The following RTN4 variants were observed in gnomAD, a reference collection of about 807,000 sequenced individuals.
RTN4 encodes the protein reticulon-4.
Under a neutral mutation model 90.4 loss-of-function variants are expected in RTN4, and 32 were observed. The ratio of observed to expected loss-of-function variants is 0.35; its 90% CI spans 0.27 to 0.48. RTN4 has a LOEUF of 0.48. Among genes scored for constraint, RTN4 ranks in the 20% least tolerant of loss-of-function variants. The probability of loss-of-function intolerance (pLI) is 0.99; values close to 1 mark genes in which losing one functional copy is unlikely to be tolerated. For synonymous variants in RTN4, 629 were observed against 552.5 expected (o/e 1.14, Z -1.94); for missense variants, 1,706 against 1,430.2 (o/e 1.19, Z -3.11).
chr2:55,067,323 C>T (rs373963705), intron 2 of RTN4, among the ~76,000 whole-genome samples: 57 of 151,942 alleles, frequency 3.8e-4, no homozygotes, highest in African/African-American at 1.2e-3. Flanking sequence ...AAAGCACCAT[C>T]GAAATGGAGT....
At chr2:55,064,725 T>C (rs1011953743) in intron 2 of RTN4, among the ~76,000 whole-genome samples, 1 of 152,190 alleles carries the variant, frequency 6.6e-6, no homozygotes, top group Admixed American at 6.5e-5. Flanking sequence ...GAAAGTACAA[T>C]AACTTACTTA....
intron 2 of RTN4, among the ~76,000 whole-genome samples, chr2:55,076,399 T>C (rs1668600823): frequency 1.5e-5 from 2 of 132,992 alleles, no homozygotes; most frequent in Admixed American, 7.6e-5. Context: ...CTTTTTTTTT[T>C]TTTTTTTTTT....
upstream of RTN4, among the ~76,000 whole-genome samples, chr2:55,117,571 C>T (rs1160079943): frequency 6.6e-6 from 1 of 152,162 alleles, no homozygotes; most frequent in Non-Finnish European, 1.5e-5. Context: ...TGAGGGGTTG[C>T]TATGGATCTA....
intron 3 of RTN4, among the ~76,000 whole-genome samples, chr2:54,989,183 G>C (rs887128587): frequency 5.3e-5 from 8 of 152,218 alleles, no homozygotes; most frequent in African/African-American, 1.4e-4. Flanking sequence ...ACTGCTGCTA[G>C]TATATCATGA....
At chr2:55,013,681 G>T (rs1463196688) in intron 3 of RTN4, among the ~76,000 whole-genome samples, 1 of 151,452 alleles carries the variant, frequency 6.6e-6, no homozygotes, top group Non-Finnish European at 1.5e-5. Flanking sequence ...TTATATTTTA[G>T]ATTTTAGAAC....
At chr2:55,066,375 C>A (rs901065645) in intron 2 of RTN4, among the ~76,000 whole-genome samples, 1 of 151,942 alleles carries the variant, frequency 6.6e-6, no homozygotes, top group African/African-American at 2.4e-5. Flanking sequence ...TCAGTTTATT[C>A]TTTTTAATGC....
Position 55,050,110 on chromosome 2 carries a change from G to T in RTN4, c.191C>A (p.Ser64Tyr). Reference protein sequence around the residue: ...VLERKPAAGLSAAPVPTAPAA... With the variant: ...VLERKPAAGLYAAPVPTAPAA... ...AGGGGCGGTGGGCACTGGGGCCGCG[G>T]ACAGCCCGGCGGCGGGCTTCCTCTC... Residue 64 changes from serine to tyrosine, a missense_variant, in exon 1 of 9, where the codon TCC (serine) becomes TAC (tyrosine). Ser to Tyr is a moderately radical substitution (Grantham distance 144). Transcript: ENST00000337526. The surrounding 1 kb of genome is among the most constrained non-coding windows in gnomAD (Gnocchi z 4.6). The T allele has an allele frequency of 2.7e-6, 4 of 1,499,254 alleles. No homozygotes were observed. Among genetic ancestry groups the T allele is most frequent in the Non-Finnish European group, 3.5e-6 (4 of 1,128,998 alleles). The allele number at this position is 1,499,254 out of a possible 1,614,324, so 92.9% of individuals were successfully genotyped here. A position where few individuals can be genotyped will look rare whatever the true frequency, so the allele number is the denominator to read the frequency against.
intron 1 of RTN4, among the ~76,000 whole-genome samples, chr2:55,035,174 G>A (rs115905326): frequency 0.025 from 3,798 of 152,226 alleles, 76 homozygotes; most frequent in South Asian, 0.036. Flanking sequence ...CACTACCAAT[G>A]AGCTAAACTG....
the RTN4 span, among the ~76,000 whole-genome samples, chr2:55,128,454 G>C: frequency 6.6e-6 from 1 of 152,076 alleles, no homozygotes; most frequent in Non-Finnish European, 1.5e-5. Context: ...TGGAGTTCTA[G>C]ACCCCCAGAG....
intron 3 of RTN4, among the ~76,000 whole-genome samples, chr2:55,006,967 T>G (rs1261525590): frequency 3.9e-5 from 6 of 152,136 alleles, no homozygotes; most frequent in Admixed American, 3.9e-4. Flanking sequence ...TCACTCTGCA[T>G]TTGACTCCCA....
Position 54,972,366 on chromosome 2 carries a change from C to CAGTCCATAGATTCT in RTN4, c.*776_*789dup, listed in dbSNP as rs1677111282. 1 of 152,646 alleles carries CAGTCCATAGATTCT rather than the reference C, an allele frequency of 6.6e-6. No homozygotes were observed. The highest frequency in any genetic ancestry group is 2.1e-4 in the South Asian group (1 of 4,832). 9.5% of individuals were successfully genotyped at this position (152,646 alleles called of 1,614,324 possible). A position where few individuals can be genotyped will look rare whatever the true frequency, so the allele number is the denominator to read the frequency against. On this transcript the variant is annotated 3_prime_UTR_variant, in exon 9 of 9. Coordinates refer to ENST00000337526, the MANE Select transcript of RTN4 (RefSeq NM_020532.5). ...ACAACATTTTTGGAAGCATTAGATT[C>CAGTCCATAGATTCT]AGTCCATAGATTCTGTGACAAAATT...
At chr2:55,061,300 G>T (rs1250210076) in intron 2 of RTN4, among the ~76,000 whole-genome samples, 1 of 152,104 alleles carries the variant, frequency 6.6e-6, no homozygotes, top group Non-Finnish European at 1.5e-5. Context: ...CTGACCTCAG[G>T]TGATCCACCC....
chr2:55,050,595 G>GA (rs1668057557), upstream of RTN4: 1 of 278,844 alleles, frequency 3.6e-6, no homozygotes, highest in Admixed American at 5.3e-5. This position sits in a 1 kb window ranked among gnomAD's most constrained non-coding sequence, Gnocchi z 4.6. Flanking sequence ...GGAGGGCAGG[G>GA]ACTGGCGCGG....
At chr2:54,988,250 G>C (rs1029786855) in intron 3 of RTN4, among the ~76,000 whole-genome samples, 1 of 152,230 alleles carries the variant, frequency 6.6e-6, no homozygotes, top group Non-Finnish European at 1.5e-5. Flanking sequence ...CCGGGAGGCA[G>C]AGGTTGCAGT....
Position 54,999,833 on chromosome 2 carries a change from T to C in RTN4, c.3014-12135A>G, listed in dbSNP as rs536048731. Among the ~76,000 whole-genome samples, 4 of 152,268 alleles carry C rather than the reference T, an allele frequency of 2.6e-5. No homozygotes were observed. In the South Asian group the frequency reaches 8.3e-4, roughly 32 times the overall value. ...TGTCTCAACACAGTAAGCATTCACCTGTCAAAAAACTGACAGGCGAAGGTC... is the reference window on the plus strand; with the variant it reads ...TGTCTCAACACAGTAAGCATTCACCCGTCAAAAAACTGACAGGCGAAGGTC... On this transcript the variant is annotated intron_variant, in intron 3 of 8. Transcript: ENST00000337526.
At chr2:55,021,380 T>C (rs1573400270) in intron 3 of RTN4, among the ~76,000 whole-genome samples, 1 of 142,436 alleles carries the variant, frequency 7.0e-6, no homozygotes, top group South Asian at 2.8e-4. Flanking sequence ...CTTAGTTTCA[T>C]CTTTTTCCCT....
At position 55,025,651 on chromosome 2, in the gene RTN4, A is replaced by G. The variant is rs1386040706; in HGVS notation, c.2448T>C (p.Pro816=). 1 of 1,613,776 alleles carries G rather than the reference A, an allele frequency of 6.2e-7. No homozygotes were observed. Among genetic ancestry groups the G allele is most frequent in the South Asian group, 1.1e-5 (1 of 91,048 alleles). ...TTTTGCTCAATGTTGAAACTTCATC[A>G]GGTAACAGGGTATCTTTTGTGTTAT... is the stretch of plus-strand genomic sequence containing the variant. ...SLDNTKDTLL[P]DEVSTLSKKE... The change falls in exon 3 of 9, where the codon CCT becomes CCC. Residue 816 remains proline, a synonymous_variant. Transcript: ENST00000337526.
intron 5 of RTN4, among the ~76,000 whole-genome samples, chr2:54,976,092 T>TTAA (rs1475427241): frequency 6.6e-6 from 1 of 152,218 alleles, no homozygotes; most frequent in Non-Finnish European, 1.5e-5. Context: ...GTTATTTTTA[T>TTAA]CCATCACTAT....
intron 4 of RTN4, among the ~76,000 whole-genome samples, chr2:54,986,198 T>C (rs1558767186): frequency 1.3e-5 from 2 of 152,188 alleles, no homozygotes; most frequent in African/African-American, 4.8e-5. Context: ...CATTTTCTTT[T>C]GTTTTTTTTC....
Sources: gnomAD v4.1 joint callset for allele counts (sites outside exome capture counted in the v4.1 genomes callset) on GRCh38, gnomAD v4.1.1 for gene constraint, Gnocchi (gnomAD v3.1) non-coding constraint, MANE v1.5 for transcripts, NCBI Gene and HGNC (gene_info 2026-07-23, HGNC 2026-07-21) for gene names.